Variants in PCDHGC5 observed in about 807,000 individuals in gnomAD.
The protein encoded by PCDHGC5 is protocadherin gamma subfamily C, 5.
A neutral mutation model predicts 59.0 loss-of-function variants in PCDHGC5; 25 were observed. That is an observed-to-expected ratio of 0.42 (90% CI 0.31 to 0.59). The LOEUF (loss-of-function observed/expected upper bound fraction) is 0.59. Among genes scored for constraint, PCDHGC5 ranks in the 20% least tolerant of loss-of-function variants. PCDHGC5 has a pLI of 0.13. For synonymous variants in PCDHGC5, 434 were observed against 505.5 expected, an observed-to-expected ratio of 0.86 and a Z score of 1.90; for missense variants, 1,067 against 1,206.4, an observed-to-expected ratio of 0.88 and a Z score of 1.71.
At chr5:141,507,474 C>T (rs774159694) in intron 3 of PCDHGC5, among the ~76,000 whole-genome samples, 2 of 152,196 alleles carry the variant, frequency 1.3e-5, no homozygotes, top group Non-Finnish European at 2.9e-5. Flanking sequence ...GCAGGGACTG[C>T]TGGCCTCCTG....
chr5:141,503,024 A>G (rs574653661), intron 2 of PCDHGC5, among the ~76,000 whole-genome samples: 2 of 150,210 alleles, frequency 1.3e-5, no homozygotes, highest in South Asian at 2.1e-4. Context: ...TTTTTTTTTA[A>G]TATCTATTTT....
rs533830391 is a variant in PCDHGC5, at chr5:141,492,559, C to T, written c.2460+859C>T. 4.6e-5 allele frequency among the ~76,000 whole-genome samples: 7 copies of T among 152,292 alleles called. No homozygotes were observed. The East Asian group carries it at 1.4e-3, about 29-fold the overall frequency. The stretch of plus-strand genomic sequence containing the variant: ...GGGCTGGGCCGGGTCGCCTGGGGGG[C>T]GGCCTGAGCGAGGCGCGGGGCCAGG... On this transcript the variant is annotated intron_variant, in intron 1 of 3. Coordinates refer to ENST00000252087, the MANE Select transcript of PCDHGC5 (RefSeq NM_018929.3).
chr5:141,489,491 T>C lies in PCDHGC5; in HGVS notation c.251T>C (p.Leu84Pro). The change falls in exon 1 of 4, where the codon CTG (leucine) becomes CCG (proline). Residue 84 changes from leucine to proline, a missense_variant. Physicochemically the swap from Leu to Pro is moderately conservative, Grantham distance 98. Transcript: ENST00000252087. This position sits in a 1 kb window ranked among gnomAD's most constrained non-coding sequence, Gnocchi z 4.5. ...TCCCTGAGCTTGATGAGTGGTGCCC[T>C]GGCAGTGAATCAAAAGATTGACCGA... ...YFSLSLMSGA[L>P]AVNQKIDRES... The C allele has an allele frequency of 6.2e-7, 1 of 1,614,066 alleles. No individual in the cohort carries two copies. The highest frequency in any genetic ancestry group is 8.5e-7 in the Non-Finnish European group (1 of 1,180,024).
At position 141,491,597 on chromosome 5, in the gene PCDHGC5, A is replaced by T. The variant is rs1389838814; in HGVS notation, c.2357A>T (p.Asp786Val). Reference sequence around the variant, plus strand: ...TTTTCACCGGCCTCGGACGGCAGTGACTTCACTTTTCTAAGACCCCTCAGC... The same window carrying T: ...TTTTCACCGGCCTCGGACGGCAGTGTCTTCACTTTTCTAAGACCCCTCAGC... ...TCFSPASDGS[D>V]FTFLRPLSVQ... Residue 786 changes from aspartate (D) to valine (V), a missense_variant, in exon 1 of 4, where the codon GAC (aspartate) becomes GTC (valine). Physicochemically the swap from Asp to Val is radical, Grantham distance 152. Coordinates refer to ENST00000252087, the MANE Select transcript of PCDHGC5 (RefSeq NM_018929.3). This position sits in a 1 kb window ranked among gnomAD's most constrained non-coding sequence, Gnocchi z 6.9. 1.2e-6 allele frequency: 2 copies of T among 1,613,788 alleles called. No individual in the cohort carries two copies. The highest frequency in any genetic ancestry group is 1.7e-6 in the Non-Finnish European group (2 of 1,180,012).
Position 141,490,151 on chromosome 5 carries a change from T to A in PCDHGC5, c.911T>A (p.Val304Glu), listed in dbSNP as rs1449636059. 6.2e-6 allele frequency: 10 copies of A among 1,614,210 alleles called. No homozygotes were observed. The highest frequency in any genetic ancestry group is 8.5e-6 in the Non-Finnish European group (10 of 1,180,018). Residue 304 changes from valine to glutamate, a missense_variant, in exon 1 of 4, where the codon GTG becomes GAG. Physicochemically the swap from Val to Glu is moderately radical, Grantham distance 121. Transcript: ENST00000252087. This position sits in a 1 kb window ranked among gnomAD's most constrained non-coding sequence, Gnocchi z 5.4. ...GLDPSSGAIH[V>E]LGPIDFEESR... ...GACCCTAGCAGTGGGGCAATCCATG[T>A]GTTGGGTCCCATAGACTTTGAGGAG... is the stretch of plus-strand genomic sequence containing the variant.
Position 141,512,040 on chromosome 5 carries a change from A to G in PCDHGC5, c.*867A>G, listed in dbSNP as rs775766584. 1.3e-5 allele frequency: 2 copies of G among 152,838 alleles called. No homozygotes were observed. The highest frequency in any genetic ancestry group is 2.9e-5 in the Non-Finnish European group (2 of 68,198). 9.5% of individuals were successfully genotyped at this position (152,838 alleles called of 1,614,324 possible). A position where few individuals can be genotyped will look rare whatever the true frequency, so the allele number is the denominator to read the frequency against. ...ATCAAGGCCTTGGAGGAGGCTCTGT[A>G]TGTCCTCAGGGGACTGACAACATCC... On this transcript the variant is annotated 3_prime_UTR_variant, in exon 4 of 4. Coordinates refer to ENST00000252087, the MANE Select transcript of PCDHGC5 (RefSeq NM_018929.3).
Position 141,489,517 on chromosome 5 carries a change from G to C in PCDHGC5, c.277G>C (p.Glu93Gln). The C allele has an allele frequency of 6.2e-7, 1 of 1,614,136 alleles. No individual in the cohort carries two copies. Among genetic ancestry groups the C allele is most frequent in the Non-Finnish European group, 8.5e-7 (1 of 1,180,044 alleles). Residue 93 changes from glutamate (E) to glutamine (Q), a missense_variant, in exon 1 of 4, where the codon GAA (glutamate) becomes CAA (glutamine). By Grantham distance (29) the Glu-to-Gln change is conservative. Transcript: ENST00000252087. The surrounding 1 kb of genome is among the most constrained non-coding windows in gnomAD (Gnocchi z 4.5). ...ALAVNQKIDR[E>Q]SLCGASTSCL... ...GGCAGTGAATCAAAAGATTGACCGA[G>C]AAAGCCTATGTGGAGCCAGCACCAG...
At position 141,491,969 on chromosome 5, in the gene PCDHGC5, C is replaced by A; in HGVS notation, c.2460+269C>A. ...CCCCTACACTCAAAAAAGGCCGGGGCCTCCTTCGAGCTTCCGGTGAATTTC... is the reference window on the plus strand; with the variant it reads ...CCCCTACACTCAAAAAAGGCCGGGGACTCCTTCGAGCTTCCGGTGAATTTC... On this transcript the variant is annotated intron_variant, in intron 1 of 3. Coordinates refer to ENST00000252087, the MANE Select transcript of PCDHGC5 (RefSeq NM_018929.3). The surrounding 1 kb of genome is among the most constrained non-coding windows in gnomAD (Gnocchi z 6.9). 1 of 898,714 alleles carries A rather than the reference C, an allele frequency of 1.1e-6. No individual in the cohort carries two copies. Among genetic ancestry groups the A allele is most frequent in the Non-Finnish European group, 1.6e-6 (1 of 629,384 alleles). 55.7% of individuals were successfully genotyped at this position (898,714 alleles called of 1,614,324 possible). A position where few individuals can be genotyped will look rare whatever the true frequency, so the allele number is the denominator to read the frequency against.
Position 141,505,566 on chromosome 5 carries a change from A to G in PCDHGC5, c.2608+85A>G, listed in dbSNP as rs1363426407. 1.4e-5 allele frequency: 22 copies of G among 1,599,886 alleles called. No individual in the cohort carries two copies. In the East Asian group the frequency reaches 4.7e-4, roughly 34 times the overall value. ...CACAGCCACCATGCCCACGGACTGGATGTCAAACCTGTGTAGTTTCTCCAG... is the reference window on the plus strand; with the variant it reads ...CACAGCCACCATGCCCACGGACTGGGTGTCAAACCTGTGTAGTTTCTCCAG... On this transcript the variant is annotated intron_variant, in intron 3 of 3. Coordinates refer to ENST00000252087, the MANE Select transcript of PCDHGC5 (RefSeq NM_018929.3).
At position 141,491,466 on chromosome 5, in the gene PCDHGC5, T is replaced by C; in HGVS notation, c.2226T>C (p.Tyr742=). The C allele has an allele frequency of 6.2e-7, 1 of 1,614,068 alleles. No homozygotes were observed. The highest frequency in any genetic ancestry group is 8.5e-7 in the Non-Finnish European group (1 of 1,179,986). ...RRQDSPSPDF[Y]KQSSPNLQVS... is the part of the protein sequence containing the mutation. ...AGGACTCACCCTCCCCGGACTTCTA[T>C]AAGCAGTCCAGCCCCAACCTGCAGG... The change falls in exon 1 of 4, where the codon TAT becomes TAC. Residue 742 remains tyrosine (Y), a synonymous_variant. Transcript: ENST00000252087. The surrounding 1 kb of genome is among the most constrained non-coding windows in gnomAD (Gnocchi z 6.9).
rs1340366910 is a variant in PCDHGC5 at position 141,490,965 on chromosome 5, C to T, written c.1725C>T (p.Ala575=). The T allele has an allele frequency of 2.5e-6, 4 of 1,613,738 alleles. No homozygotes were observed. The highest frequency in any genetic ancestry group is 2.7e-5 in the African/African-American group (2 of 74,934). Residue 575 remains alanine, a synonymous_variant, in exon 1 of 4, where the codon GCC becomes GCT. Transcript: ENST00000252087. This position sits in a 1 kb window ranked among gnomAD's most constrained non-coding sequence, Gnocchi z 5.4. ...LHPRPDWEHS[A]PQRLPRSAPP... Reference sequence around the variant, plus strand: ...CACGGCCAGACTGGGAACACTCAGCCCCCCAGCGTCTCCCTCGCTCTGCTC... The same window carrying T: ...CACGGCCAGACTGGGAACACTCAGCTCCCCAGCGTCTCCCTCGCTCTGCTC...
rs1185679701 is a variant in PCDHGC5, at chr5:141,511,384, G to A, written c.*211G>A. On this transcript the variant is annotated 3_prime_UTR_variant, in exon 4 of 4. Coordinates refer to ENST00000252087, the MANE Select transcript of PCDHGC5 (RefSeq NM_018929.3). ...TTGAATATGCAAAAGCAGTTCCGCT[G>A]GGAACCCCCATCCAATCAACTGCTG... is the stretch of plus-strand genomic sequence containing the variant. 3.5e-6 allele frequency: 4 copies of A among 1,154,490 alleles called. No homozygotes were observed. Among genetic ancestry groups the A allele is most frequent in the Admixed American group, 2.9e-5 (1 of 34,748 alleles). 71.5% of individuals were successfully genotyped at this position (1,154,490 alleles called of 1,614,324 possible). A position where few individuals can be genotyped will look rare whatever the true frequency, so the allele number is the denominator to read the frequency against.
chr5:141,510,613 C>T (rs559713771), intron 3 of PCDHGC5, among the ~76,000 whole-genome samples: 17 of 152,298 alleles, frequency 1.1e-4, no homozygotes, highest in Admixed American at 2.0e-4. Context: ...TTAGCATTCA[C>T]TAAAACCAGA....
chr5:141,496,932 T>G (rs1336402833), intron 2 of PCDHGC5, among the ~76,000 whole-genome samples: 1 of 148,964 alleles, frequency 6.7e-6, no homozygotes, highest in Non-Finnish European at 1.5e-5. Context: ...ACGCCTGTAA[T>G]CCCAGCACTT....
intron 3 of PCDHGC5, among the ~76,000 whole-genome samples, chr5:141,506,298 A>C (rs887906455): frequency 6.6e-6 from 1 of 151,936 alleles, no homozygotes; most frequent in Non-Finnish European, 1.5e-5. Context: ...AAAATACAAA[A>C]ATTAGCTGGG....
Position 141,489,322 on chromosome 5 carries a change from T to C in PCDHGC5, c.82T>C (p.Ser28Pro). The C allele has an allele frequency of 6.2e-7, 1 of 1,601,052 alleles. No individual in the cohort carries two copies. Among genetic ancestry groups the C allele is most frequent in the Non-Finnish European group, 8.5e-7 (1 of 1,172,658 alleles). ...GTCCTTGTGCTGCTGGGGCTGGGTGTCTGGGCAGCTTCGTTACTCAGTGGT... is the reference window on the plus strand; with the variant it reads ...GTCCTTGTGCTGCTGGGGCTGGGTGCCTGGGCAGCTTCGTTACTCAGTGGT... ...MLSLCCWGWV[S>P]GQLRYSVVEE... is the part of the protein sequence containing the mutation. The change falls in exon 1 of 4, where the codon TCT becomes CCT. Residue 28 changes from serine (S) to proline (P), a missense_variant. Coordinates refer to ENST00000252087, the MANE Select transcript of PCDHGC5 (RefSeq NM_018929.3). The surrounding 1 kb of genome is among the most constrained non-coding windows in gnomAD (Gnocchi z 4.5).
At position 141,489,748 on chromosome 5, in the gene PCDHGC5, T is replaced by C. The variant is rs763688648; in HGVS notation, c.508T>C (p.Tyr170His). Residue 170 changes from tyrosine (Y) to histidine (H), a missense_variant, in exon 1 of 4, where the codon TAC (tyrosine) becomes CAC (histidine). By Grantham distance (83) the Tyr-to-His change is moderately conservative (BLOSUM62 2). Transcript: ENST00000252087. The surrounding 1 kb of genome is among the most constrained non-coding windows in gnomAD (Gnocchi z 4.5). ...TGTGGGCACCAATACTGTGAGCTTT[T>C]ACACTCTAAGCCCCAACAGCCACTT... is the stretch of plus-strand genomic sequence containing the variant. The part of the protein sequence containing the change: ...PDVGTNTVSF[Y>H]TLSPNSHFSL... The C allele has an allele frequency of 1.8e-5, 29 of 1,614,038 alleles. No homozygotes were observed. Among genetic ancestry groups the C allele is most frequent in the Non-Finnish European group, 1.6e-5 (19 of 1,180,010 alleles).
chr5:141,503,417 A>T (rs1431276679), intron 2 of PCDHGC5, among the ~76,000 whole-genome samples: 2 of 151,968 alleles, frequency 1.3e-5, no homozygotes, highest in Non-Finnish European at 2.9e-5. Flanking sequence ...CAATATGGTG[A>T]AACCCCATCT....
At chr5:141,505,767 AGGTCCTAGCTCT>A (rs2099848180) in intron 3 of PCDHGC5, among the ~76,000 whole-genome samples, 1 of 151,756 alleles carries the variant, frequency 6.6e-6, no homozygotes, top group Non-Finnish European at 1.5e-5. Context: ...AGTGTAGCTC[AGGTCCTAGCTCT>A]GCTACTATCC....
Sources: gnomAD v4.1 joint callset for allele counts (sites outside exome capture counted in the v4.1 genomes callset) on GRCh38, gnomAD v4.1.1 for gene constraint, Gnocchi (gnomAD v3.1) non-coding constraint, MANE v1.5 for transcripts, NCBI Gene and HGNC (gene_info 2026-07-23, HGNC 2026-07-21) for gene names.